Variants in HNRNPC observed in about 807,000 individuals in gnomAD.
HNRNPC encodes heterogeneous nuclear ribonucleoproteins C1/C2.
Under a neutral mutation model 33.2 loss-of-function variants are expected in HNRNPC, and 3 were observed. That is an observed-to-expected ratio of 0.09 (90% CI 0.04 to 0.23). The LOEUF (loss-of-function observed/expected upper bound fraction) is 0.23, where lower values mean the gene tolerates loss of function less well. HNRNPC is among the 10% of genes least tolerant of loss of function. HNRNPC has a pLI of 1.00. For missense variants in HNRNPC, 143 were observed against 366.7 expected (o/e 0.39, Z 4.98); for synonymous variants, 121 against 126.7 (o/e 0.96, Z 0.30).
intron 2 of HNRNPC, among the ~76,000 whole-genome samples, chr14:21,235,654 A>G (rs1257698820): frequency 1.3e-5 from 2 of 152,236 alleles, no homozygotes; most frequent in Non-Finnish European, 2.9e-5. Flanking sequence ...CCTTTCAGCT[A>G]TTAAGTATGC....
intron 2 of HNRNPC, among the ~76,000 whole-genome samples, chr14:21,247,845 A>G (rs1007373801): frequency 2.0e-5 from 3 of 151,666 alleles, no homozygotes; most frequent in Non-Finnish European, 4.4e-5. Flanking sequence ...AAATTAGCCA[A>G]GCATGGTGGC....
chr14:21,228,265 T>C (rs1893697001), intron 5 of HNRNPC, among the ~76,000 whole-genome samples: 1 of 152,250 alleles, frequency 6.6e-6, no homozygotes, highest in Admixed American at 6.5e-5. Flanking sequence ...ATTTATATCC[T>C]ACTGCATTAG....
At chr14:21,250,647 T>C (rs1896536122) in intron 2 of HNRNPC, among the ~76,000 whole-genome samples, 1 of 152,254 alleles carries the variant, frequency 6.6e-6, no homozygotes, top group Admixed American at 6.5e-5. Context: ...GAAGTCATTA[T>C]TTCAAATTTT....
chr14:21,235,773 T>G (rs1894631250), intron 2 of HNRNPC, among the ~76,000 whole-genome samples: 1 of 152,174 alleles, frequency 6.6e-6, no homozygotes, highest in South Asian at 2.1e-4. Flanking sequence ...TTATTACAAG[T>G]GGAGGTATAA....
intron 2 of HNRNPC, among the ~76,000 whole-genome samples, chr14:21,244,635 T>G (rs1234008537): frequency 6.6e-6 from 1 of 152,224 alleles, no homozygotes; most frequent in Non-Finnish European, 1.5e-5. Context: ...AATCACACAT[T>G]GCTTAATGAC....
chr14:21,244,757 C>CTG (rs1340031148), intron 2 of HNRNPC, among the ~76,000 whole-genome samples: 2 of 152,164 alleles, frequency 1.3e-5, no homozygotes, highest in Non-Finnish European at 1.5e-5. Context: ...CACACCTAGC[C>CTG]TGTATCGTAT....
chr14:21,246,702 A>G (rs1006278522), intron 2 of HNRNPC, among the ~76,000 whole-genome samples: 1 of 152,180 alleles, frequency 6.6e-6, no homozygotes, highest in Non-Finnish European at 1.5e-5. Context: ...TTTTCTGTTT[A>G]CTTTGGCACT....
chr14:21,238,477 T>G (rs1594265101), intron 2 of HNRNPC, among the ~76,000 whole-genome samples: 1 of 152,244 alleles, frequency 6.6e-6, no homozygotes, highest in East Asian at 1.9e-4. Flanking sequence ...TTCTCTGTAT[T>G]TCCCAAATTC....
intron 2 of HNRNPC, among the ~76,000 whole-genome samples, chr14:21,255,608 A>C (rs999771366): frequency 6.6e-6 from 1 of 152,196 alleles, no homozygotes; most frequent in Non-Finnish European, 1.5e-5. Flanking sequence ...ACAGAATCAC[A>C]AGAGTTGATG....
chr14:21,230,650 T>C (rs1370788849), intron 4 of HNRNPC: 1 of 506,146 alleles, frequency 2.0e-6, no homozygotes, highest in African/African-American at 1.9e-5. Flanking sequence ...CTAAGCATTC[T>C]TATACCACAC....
At chr14:21,267,359 T>G (rs977041252) in intron 1 of HNRNPC, among the ~76,000 whole-genome samples, 3 of 152,190 alleles carry the variant, frequency 2.0e-5, no homozygotes, top group Non-Finnish European at 1.5e-5. Context: ...CCCTTAGTCT[T>G]TAAAATTAGA....
chr14:21,218,704 A>AAAAAAAAAC (rs1225752731), intron 5 of HNRNPC, among the ~76,000 whole-genome samples: 9 of 136,794 alleles, frequency 6.6e-5, no homozygotes, highest in African/African-American at 2.2e-4. Flanking sequence ...AAAAAAAAAA[A>AAAAAAAAAC]AAAACTGAAA....
At chr14:21,258,382 T>C (rs967966831) in intron 2 of HNRNPC, among the ~76,000 whole-genome samples, 1 of 146,700 alleles carries the variant, frequency 6.8e-6, no homozygotes, top group Non-Finnish European at 1.5e-5. Flanking sequence ...AGAGCGAGAC[T>C]ATGTCTCAAA....
intron 2 of HNRNPC, among the ~76,000 whole-genome samples, chr14:21,256,433 G>C (rs1193734759): frequency 6.6e-6 from 1 of 151,654 alleles, no homozygotes; most frequent in Admixed American, 6.6e-5. Flanking sequence ...TGGGCAAAGA[G>C]AGCAAAACTC....
Position 21,250,145 on chromosome 14 carries a change from C to T in HNRNPC, c.-37+13166G>A, listed in dbSNP as rs114442493. On this transcript the variant is annotated intron_variant, in intron 2 of 8. Transcript: ENST00000553300. ...GCGCACACCTGTAGTCCAGGCTACT[C>T]GGGAGGCCAAGGCAGGGGAATTGCT... is the stretch of plus-strand genomic sequence containing the variant. 4.0e-3 allele frequency among the ~76,000 whole-genome samples: 610 copies of T among 151,772 alleles called. 4 individuals are homozygous for T. The highest frequency in any genetic ancestry group is 0.014 in the African/African-American group (589 of 41,384).
rs1387172669 is a variant in HNRNPC at position 21,210,544 on chromosome 14, G to C, written c.*679C>G. The C allele has an allele frequency of 6.6e-6, 1 of 151,398 alleles. No individual in the cohort carries two copies. The highest frequency in any genetic ancestry group is 2.1e-4 in the South Asian group (1 of 4,804). 9.4% of individuals were successfully genotyped at this position (151,398 alleles called of 1,614,324 possible). On this transcript the variant is annotated 3_prime_UTR_variant, in exon 9 of 9. Transcript: ENST00000553300. Reference sequence around the variant, plus strand: ...ATAAAATACAAAAATAAAAAACCAGGGTTTTTTTTTTCTCCAAATTCCTGG... The same window carrying C: ...ATAAAATACAAAAATAAAAAACCAGCGTTTTTTTTTTCTCCAAATTCCTGG...
intron 2 of HNRNPC, among the ~76,000 whole-genome samples, chr14:21,237,179 G>A (rs1029824251): frequency 1.3e-5 from 2 of 152,158 alleles, no homozygotes; most frequent in Admixed American, 6.5e-5. Context: ...AACCCTATGT[G>A]GTTGATTCCA....
intron 5 of HNRNPC, among the ~76,000 whole-genome samples, chr14:21,226,227 C>G (rs560692451): frequency 1.3e-5 from 2 of 150,002 alleles, no homozygotes; most frequent in South Asian, 4.2e-4. Context: ...GAGGCTGAGG[C>G]AGGAGAATCT....
chr14:21,269,327 C>G lies in HNRNPC; in HGVS notation c.-92G>C, dbSNP rs899737110. On this transcript the variant is annotated 5_prime_UTR_variant, in exon 1 of 9. Coordinates refer to ENST00000553300, the MANE Select transcript of HNRNPC (RefSeq NM_004500.4). ...AAGGGGAGGGAGAAGAGATTCGATT[C>G]TGAGTCTCCTACTCCCGGGTTCTGC... The G allele has an allele frequency of 4.6e-5, 7 of 153,846 alleles. No homozygotes were observed. Among genetic ancestry groups the G allele is most frequent in the African/African-American group, 1.7e-4 (7 of 41,458 alleles). 9.5% of individuals were successfully genotyped at this position (153,846 alleles called of 1,614,324 possible).
Sources: gnomAD v4.1 joint callset for allele counts (sites outside exome capture counted in the v4.1 genomes callset) on GRCh38, gnomAD v4.1.1 for gene constraint, MANE v1.5 for transcripts, NCBI Gene and HGNC (gene_info 2026-07-23, HGNC 2026-07-21) for gene names.